The following MYO18B variants were observed in gnomAD, a reference collection of about 807,000 sequenced individuals.
MYO18B encodes the protein myosin XVIIIB, also known as unconventional myosin-XVIIIb.
In MYO18B, 204 loss-of-function variants were observed where a neutral mutation model predicts 273.0. The observed-to-expected ratio is 0.75, with a 90% CI of 0.67 to 0.84. MYO18B has a LOEUF of 0.84. Among genes scored for constraint, MYO18B ranks in the 40% least tolerant of loss-of-function variants. MYO18B has a pLI of 0.00. For missense variants in MYO18B, 3,212 were observed against 3,287.6 expected (o/e 0.98, Z 0.56); for synonymous variants, 1,330 against 1,305.7 (o/e 1.02, Z -0.40).
intron 39 of MYO18B, among the ~76,000 whole-genome samples, chr22:25,961,528 A>T (rs1421484593): frequency 6.6e-6 from 1 of 152,210 alleles, no homozygotes; most frequent in Non-Finnish European, 1.5e-5. Flanking sequence ...AGGAGCCATT[A>T]TGGAGAAAAT....
chr22:25,834,225 C>T (rs1376276383), intron 16 of MYO18B, among the ~76,000 whole-genome samples: 2 of 151,622 alleles, frequency 1.3e-5, no homozygotes, highest in Non-Finnish European at 2.9e-5. Context: ...TGGCTCATTG[C>T]AACTTCTGCC....
At chr22:25,906,760 G>A (rs2092052703) in intron 31 of MYO18B, among the ~76,000 whole-genome samples, 2 of 152,138 alleles carry the variant, frequency 1.3e-5, no homozygotes, top group South Asian at 4.2e-4. Flanking sequence ...GGGGAAGCAG[G>A]CAAGTCTTAC....
At chr22:25,769,736 G>C (rs940623427) in intron 4 of MYO18B, among the ~76,000 whole-genome samples, 1 of 152,142 alleles carries the variant, frequency 6.6e-6, no homozygotes, top group Non-Finnish European at 1.5e-5. Context: ...GATGTCACAC[G>C]ACAGCTTTCA....
Position 25,768,841 on chromosome 22 carries a change from G to C in MYO18B, c.925G>C (p.Val309Leu), listed in dbSNP as rs764599538. The C allele has an allele frequency of 6.2e-7, 1 of 1,612,372 alleles. No homozygotes were observed. Among genetic ancestry groups the C allele is most frequent in the Non-Finnish European group, 8.5e-7 (1 of 1,179,188 alleles). The change falls in exon 4 of 44, where the codon GTA (valine) becomes CTA (leucine). Residue 309 changes from valine to leucine, a missense_variant. By Grantham distance (32) the Val-to-Leu change is conservative. Transcript: ENST00000335473. Reference protein sequence around the residue: ...SKDVGSEGKHVRPQIPGRKWG... With the variant: ...SKDVGSEGKHLRPQIPGRKWG... ...GGACGTAGGGAGTGAAGGGAAGCAC[G>C]TAAGGCCCCAAATCCCTGGGAGAAA...
At chr22:25,828,524 T>TA (rs1270999854) in intron 14 of MYO18B, among the ~76,000 whole-genome samples, 1 of 151,912 alleles carries the variant, frequency 6.6e-6, no homozygotes, top group Non-Finnish European at 1.5e-5. Context: ...TTTTTTTTTT[T>TA]ACTTTGGGCC....
At chr22:25,827,018 C>T (rs888942813) in intron 14 of MYO18B, among the ~76,000 whole-genome samples, 4 of 152,108 alleles carry the variant, frequency 2.6e-5, no homozygotes, top group African/African-American at 4.8e-5. Context: ...GCCGAGATCG[C>T]GCCACCACAC....
At chr22:25,874,510 C>T in intron 23 of MYO18B, 96 bp downstream of exon 23, 2 of 1,454,538 alleles carry the variant, frequency 1.4e-6, no homozygotes, top group Non-Finnish European at 1.9e-6. Context: ...TGCACCGGGT[C>T]CAAGGATCCA....
intron 42 of MYO18B, among the ~76,000 whole-genome samples, chr22:26,023,628 C>T (rs998871029): frequency 3.9e-5 from 6 of 152,190 alleles, no homozygotes; most frequent in African/African-American, 7.2e-5. Context: ...GGCAGAGTCC[C>T]GGGAGATTCA....
intron 34 of MYO18B, among the ~76,000 whole-genome samples, chr22:25,922,004 T>C (rs1017877642): frequency 6.6e-6 from 1 of 152,190 alleles, no homozygotes; most frequent in African/African-American, 2.4e-5. Context: ...CAAGGCATGA[T>C]GTTGACCACT....
At chr22:25,974,582 C>T (rs969052596) in intron 39 of MYO18B, among the ~76,000 whole-genome samples, 21 of 152,132 alleles carry the variant, frequency 1.4e-4, no homozygotes, top group Non-Finnish European at 2.5e-4. Context: ...TCTCAACCTC[C>T]GAAGTCTGTC....
chr22:25,768,893 G>C lies in MYO18B; in HGVS notation c.977G>C (p.Ser326Thr). Reference sequence around the variant, plus strand: ...TGGGGAGGTTTCCTGGGAAGAAGGAGTAAGTGGGACGGTCCCCAGAATAAG... The same window carrying C: ...TGGGGAGGTTTCCTGGGAAGAAGGACTAAGTGGGACGGTCCCCAGAATAAG... Reference protein sequence around the residue: ...RKWGGFLGRRSKWDGPQNKKD... With the variant: ...RKWGGFLGRRTKWDGPQNKKD... The change falls in exon 4 of 44, where the codon AGT (serine) becomes ACT (threonine). Residue 326 changes from serine (S) to threonine (T), a missense_variant. By Grantham distance (58) the Ser-to-Thr change is moderately conservative. Coordinates refer to ENST00000335473, the MANE Select transcript of MYO18B (RefSeq NM_032608.7). 1 of 1,613,124 alleles carries C rather than the reference G, an allele frequency of 6.2e-7. No homozygotes were observed. Among genetic ancestry groups the C allele is most frequent in the Non-Finnish European group, 8.5e-7 (1 of 1,179,554 alleles).
rs533054197 is a variant in MYO18B, at chr22:25,908,318, G to A, written c.5149-4G>A. Reference sequence around the variant, plus strand: ...CTCACGTGCTGTCCTTGCTGCCCCCGCAGCTCCGCCAGCGGTTTGAGCTGG... The same window carrying A: ...CTCACGTGCTGTCCTTGCTGCCCCCACAGCTCCGCCAGCGGTTTGAGCTGG... On this transcript the variant is annotated splice_region_variant and splice_polypyrimidine_tract_variant and intron_variant, in intron 31 of 43. Coordinates refer to ENST00000335473, the MANE Select transcript of MYO18B (RefSeq NM_032608.7). 7.0e-6 allele frequency: 11 copies of A among 1,571,298 alleles called. No individual in the cohort carries two copies. The highest frequency in any genetic ancestry group is 4.7e-5 in the East Asian group (2 of 42,292).
chr22:25,895,002 A>G, intron 27 of MYO18B, 154 bp from the exon 28 acceptor site: 1 of 868,908 alleles, frequency 1.2e-6, no homozygotes, highest in East Asian at 2.7e-5. Flanking sequence ...TCAGAGTTAA[A>G]GCATAGTTTC....
At chr22:26,063,163 C>T in the MYO18B span, among the ~76,000 whole-genome samples, 2 of 152,156 alleles carry the variant, frequency 1.3e-5, no homozygotes, top group Admixed American at 6.5e-5. Flanking sequence ...TAGAAAACAA[C>T]ATATGTTGAC....
At position 25,798,102 on chromosome 22, in the gene MYO18B, G is replaced by A. The variant is rs759342821; in HGVS notation, c.2521+5G>A. ...GTGCGGCGGGGGCCTGCAAAGGTAC[G>A]TCCTTCCTGCCGGGCTCACCTGGGA... On this transcript the variant is annotated splice_donor_5th_base_variant and intron_variant, in intron 12 of 43. Coordinates refer to ENST00000335473, the MANE Select transcript of MYO18B (RefSeq NM_032608.7). The A allele has an allele frequency of 7.5e-6, 12 of 1,600,046 alleles. No individual in the cohort carries two copies. The highest frequency in any genetic ancestry group is 2.2e-5 in the East Asian group (1 of 44,474).
chr22:25,897,427 CCTCAAGAGACATCTTGAA>C (rs1204016501), intron 28 of MYO18B: 2 of 152,144 alleles, frequency 1.3e-5, no homozygotes, highest in East Asian at 3.9e-4. Flanking sequence ...GCATCGTGGT[CCTCAAGAGACATCTTGAA>C]CCATAGATAA....
At chr22:25,789,796 C>T (rs1163953500) in intron 11 of MYO18B, among the ~76,000 whole-genome samples, 4 of 152,178 alleles carry the variant, frequency 2.6e-5, no homozygotes, top group Non-Finnish European at 5.9e-5. Context: ...CCTATACCTG[C>T]AGGTGTTCTT....
chr22:25,925,229 C>A (rs1460404895), intron 34 of MYO18B, among the ~76,000 whole-genome samples: 1 of 152,004 alleles, frequency 6.6e-6, no homozygotes, highest in Non-Finnish European at 1.5e-5. Flanking sequence ...ATTCTGCCCC[C>A]TCCCCCACCC....
chr22:25,811,812 A>G (rs923348518), intron 12 of MYO18B, among the ~76,000 whole-genome samples: 5 of 152,220 alleles, frequency 3.3e-5, no homozygotes, highest in Admixed American at 6.5e-5. Flanking sequence ...CACACTGAAC[A>G]TCCTTGTGTA....
Sources: allele counts gnomAD v4.1 joint callset (sites outside exome capture counted in the v4.1 genomes callset), GRCh38; gene constraint gnomAD v4.1.1; transcripts MANE v1.5; gene names NCBI Gene and HGNC (gene_info 2026-07-23, HGNC 2026-07-21).